The following TRDN variants were observed in gnomAD, a reference collection of about 807,000 sequenced individuals.
TRDN encodes the protein triadin in skeletal muscle.
Under a neutral mutation model 149.7 loss-of-function variants are expected in TRDN, and 161 were observed. The ratio of observed to expected loss-of-function variants is 1.08; its 90% CI spans 0.95 to 1.23. The LOEUF (loss-of-function observed/expected upper bound fraction) is 1.23, where lower values mean the gene tolerates loss of function less well. Ranked by LOEUF, TRDN falls within the 50% of genes most tolerant of loss-of-function variation. The pLI is 0.00. For missense variants in TRDN, 896 were observed against 823.5 expected, an observed-to-expected ratio of 1.09 and a Z score of -1.08; for synonymous variants, 294 against 250.5, an observed-to-expected ratio of 1.17 and a Z score of -1.64.
intron 9 of TRDN, among the ~76,000 whole-genome samples, chr6:123,475,858 A>G (rs1430427613): frequency 2.0e-5 from 3 of 152,120 alleles, no homozygotes; most frequent in Non-Finnish European, 2.9e-5. Context: ...AAATTCAGCA[A>G]CCCGTCATGC....
intron 13 of TRDN, among the ~76,000 whole-genome samples, chr6:123,388,957 G>A (rs1160458693): frequency 6.6e-6 from 1 of 152,080 alleles, no homozygotes; most frequent in Non-Finnish European, 1.5e-5. Context: ...CTTAGCTACT[G>A]AGGAATTATA....
intron 10 of TRDN, among the ~76,000 whole-genome samples, chr6:123,444,329 G>A (rs1425169535): frequency 5.6e-4 from 60 of 107,054 alleles, no homozygotes; most frequent in African/African-American, 5.5e-4. Context: ...TTTGTCTGTT[G>A]TTGGTGTATA....
At chr6:123,291,990 C>T (rs1778027073) in intron 24 of TRDN, among the ~76,000 whole-genome samples, 2 of 152,052 alleles carry the variant, frequency 1.3e-5, no homozygotes, top group Non-Finnish European at 2.9e-5. Flanking sequence ...TAATTCTATG[C>T]TGTTGGTTTT....
intron 8 of TRDN, among the ~76,000 whole-genome samples, chr6:123,500,735 A>G (rs998319618): frequency 6.6e-6 from 1 of 152,190 alleles, no homozygotes; most frequent in African/African-American, 2.4e-5. Flanking sequence ...TAACAAAGGG[A>G]AAATACATTC....
chr6:123,331,939 A>C lies in TRDN; in HGVS notation c.1421-10T>G, dbSNP rs148328206. The C allele has an allele frequency of 2.0e-6, 3 of 1,532,734 alleles. No homozygotes were observed. The African/African-American group carries it at 4.1e-5, about 21-fold the overall frequency. 94.9% of individuals were successfully genotyped at this position (1,532,734 alleles called of 1,614,324 possible). A position where few individuals can be genotyped will look rare whatever the true frequency, so the allele number is the denominator to read the frequency against. ...TTCCCTTTAATAGGTTCTGAAAAGA[A>C]ACATCGGACATTTATTTGAAGCCAA... On this transcript the variant is annotated splice_polypyrimidine_tract_variant and intron_variant, in intron 22 of 40. Transcript: ENST00000334268.
At chr6:123,520,199 C>T (rs542026550) in intron 5 of TRDN, among the ~76,000 whole-genome samples, 3 of 152,130 alleles carry the variant, frequency 2.0e-5, no homozygotes, top group African/African-American at 7.2e-5. Flanking sequence ...AATAGAAATG[C>T]AATATTGAGT....
intron 1 of TRDN, among the ~76,000 whole-genome samples, chr6:123,623,932 A>T (rs1785521242): frequency 6.6e-6 from 1 of 152,140 alleles, no homozygotes; most frequent in South Asian, 2.1e-4. Context: ...TTGACAAGAA[A>T]CCAAGAAACC....
At position 123,218,568 on chromosome 6, in the gene TRDN, C is replaced by A. The variant is rs757736765; in HGVS notation, c.*33G>T. 7.6e-6 allele frequency: 12 copies of A among 1,583,076 alleles called. No individual in the cohort carries two copies. The highest frequency in any genetic ancestry group is 1.0e-5 in the Non-Finnish European group (12 of 1,166,286). On this transcript the variant is annotated 3_prime_UTR_variant, in exon 41 of 41. Coordinates refer to ENST00000334268, the MANE Select transcript of TRDN (RefSeq NM_006073.4). ...GGACAAAACATCACATTTTTAAAAT[C>A]TTAAAGCACTTGTAAGGGTCATACA... is the stretch of plus-strand genomic sequence containing the variant.
chr6:123,409,672 A>T (rs1324393344), intron 12 of TRDN, among the ~76,000 whole-genome samples: 1 of 144,204 alleles, frequency 6.9e-6, no homozygotes, highest in Non-Finnish European at 1.5e-5. Context: ...TCTGTCAGTT[A>T]AAACAGATAA....
chr6:123,590,562 A>T (rs979576252), intron 1 of TRDN, among the ~76,000 whole-genome samples: 46 of 152,260 alleles, frequency 3.0e-4, no homozygotes, highest in Admixed American at 2.7e-3. Flanking sequence ...CAGGAGTTTG[A>T]GACCAGCCTG....
At chr6:123,364,137 G>C (rs1195500400) in intron 20 of TRDN, among the ~76,000 whole-genome samples, 1 of 152,184 alleles carries the variant, frequency 6.6e-6, no homozygotes, top group African/African-American at 2.4e-5. Flanking sequence ...CTCTGGCTCA[G>C]GAAGCTGCCC....
intron 9 of TRDN, among the ~76,000 whole-genome samples, chr6:123,468,609 C>G (rs992926898): frequency 5.8e-4 from 88 of 152,084 alleles, no homozygotes; most frequent in African/African-American, 2.0e-3. Flanking sequence ...AAAATCTTGT[C>G]AAGGTAGGAG....
At chr6:123,364,728 T>C (rs1781025418) in intron 20 of TRDN, among the ~76,000 whole-genome samples, 1 of 152,214 alleles carries the variant, frequency 6.6e-6, no homozygotes, top group Non-Finnish European at 1.5e-5. Flanking sequence ...TGCTTTTAGC[T>C]TTGTCTAATT....
chr6:123,531,506 GACAGCTACTAGCT>G (rs1405536173), intron 4 of TRDN, among the ~76,000 whole-genome samples: 1 of 152,000 alleles, frequency 6.6e-6, no homozygotes. Context: ...CTTCAGAAAA[GACAGCTACTAGCT>G]TTCATTCACC....
intron 7 of TRDN, among the ~76,000 whole-genome samples, chr6:123,511,792 G>A (rs758169041): frequency 8.0e-5 from 12 of 149,464 alleles, no homozygotes; most frequent in Admixed American, 8.0e-4. Flanking sequence ...TGGCTTTAAT[G>A]CTTATTGAAC....
At chr6:123,369,182 C>G (rs1781228089) in intron 19 of TRDN, among the ~76,000 whole-genome samples, 1 of 152,116 alleles carries the variant, frequency 6.6e-6, no homozygotes, top group East Asian at 1.9e-4. Context: ...GCTGCAATTT[C>G]TGCTTTTATG....
rs1025530674 is a variant in TRDN, at chr6:123,472,300, G to T, written c.854-7317C>A. Among the ~76,000 whole-genome samples, 11 of 152,286 alleles carry T rather than the reference G, an allele frequency of 7.2e-5. No homozygotes were observed. In the East Asian group the frequency reaches 2.1e-3, roughly 30 times the overall value. ...CAAGGGGTCAGGGAGTTCCCCTTCC[G>T]AGTCAAAGAAAGGGGTGACGGACAG... On this transcript the variant is annotated intron_variant, in intron 9 of 40. Coordinates refer to ENST00000334268, the MANE Select transcript of TRDN (RefSeq NM_006073.4).
At chr6:123,371,856 C>T (rs946471138) in intron 19 of TRDN, among the ~76,000 whole-genome samples, 33 of 152,096 alleles carry the variant, frequency 2.2e-4, no homozygotes, top group African/African-American at 8.0e-4. Context: ...CTCATAAAAT[C>T]ATCACTCTAG....
intron 4 of TRDN, among the ~76,000 whole-genome samples, chr6:123,534,479 T>C (rs1246893651): frequency 6.6e-6 from 1 of 152,128 alleles, no homozygotes; most frequent in Admixed American, 6.6e-5. Flanking sequence ...GCCAGTTCTG[T>C]CTCCTTACAC....
Sources: allele counts gnomAD v4.1 joint callset (sites outside exome capture counted in the v4.1 genomes callset), GRCh38; gene constraint gnomAD v4.1.1; transcripts MANE v1.5; gene names NCBI Gene and HGNC (gene_info 2026-07-23, HGNC 2026-07-21).